RBMS3: variants seen among roughly 807,000 people sequenced by gnomAD.
The protein encoded by RBMS3 is RNA-binding motif, single-stranded-interacting protein 3.
A neutral mutation model predicts 66.8 loss-of-function variants in RBMS3; 27 were observed. The observed-to-expected ratio is 0.40, with a 90% CI of 0.30 to 0.56. The LOEUF (loss-of-function observed/expected upper bound fraction) is 0.56. Among genes scored for constraint, RBMS3 ranks in the 20% least tolerant of loss-of-function variants. RBMS3 has a pLI of 0.40. For synonymous variants in RBMS3, 188 were observed against 183.0 expected (o/e 1.03, Z -0.22); for missense variants, 513 against 549.5 (o/e 0.93, Z 0.66).
chr3:29,298,866 T>C (rs908827562), intron 1 of RBMS3, among the ~76,000 whole-genome samples: 2 of 152,030 alleles, frequency 1.3e-5, no homozygotes, highest in Admixed American at 6.6e-5. Flanking sequence ...GAATGTGAAA[T>C]AAAATGCTGT....
intron 4 of RBMS3, among the ~76,000 whole-genome samples, chr3:29,654,922 G>A (rs925948432): frequency 2.0e-5 from 3 of 151,934 alleles, no homozygotes; most frequent in Admixed American, 1.3e-4. Flanking sequence ...TATTTTTAAA[G>A]GCAGTACTAG....
At chr3:29,516,032 G>A (rs1288515643) in intron 3 of RBMS3, among the ~76,000 whole-genome samples, 1 of 152,138 alleles carries the variant, frequency 6.6e-6, no homozygotes, top group Admixed American at 6.5e-5. Context: ...ACATGGACCA[G>A]GGACTTTAAG....
chr3:29,865,326 G>C (rs892725440), intron 6 of RBMS3, among the ~76,000 whole-genome samples: 1 of 152,104 alleles, frequency 6.6e-6, no homozygotes, highest in Admixed American at 6.5e-5. Flanking sequence ...AACCTTATAA[G>C]AACCATTGTT....
chr3:29,507,879 A>T (rs1164635745), intron 3 of RBMS3, among the ~76,000 whole-genome samples: 1 of 152,166 alleles, frequency 6.6e-6, no homozygotes, highest in African/African-American at 2.4e-5. Flanking sequence ...AATGTTCATT[A>T]TATGTTTAAA....
chr3:29,438,852 A>G (rs1010087555), intron 2 of RBMS3, among the ~76,000 whole-genome samples: 1 of 152,218 alleles, frequency 6.6e-6, no homozygotes, highest in African/African-American at 2.4e-5. Context: ...AATGGGCATC[A>G]ATTAAATATA....
chr3:29,907,926 GGCTAAAACTTTATA>G lies in RBMS3; in HGVS notation c.939+8172_939+8185del, dbSNP rs536733387. Among the ~76,000 whole-genome samples, 123 of 151,984 alleles carry G rather than the reference GGCTAAAACTTTATA, an allele frequency of 8.1e-4. 2 individuals carry two copies. In the Middle Eastern group the frequency reaches 0.01, roughly 13 times the overall value. On this transcript the variant is annotated intron_variant, in intron 10 of 14. Coordinates refer to ENST00000383767, the MANE Select transcript of RBMS3 (RefSeq NM_001003793.3). ...ACTCCAGTCAGACATGTTCTCAGGA[GGCTAAAACTTTATA>G]ATCTATTTAAGAATTTGTTAAGGTT... is the stretch of plus-strand genomic sequence containing the variant.
At chr3:29,701,668 G>C (rs2052588441) in intron 4 of RBMS3, among the ~76,000 whole-genome samples, 1 of 152,094 alleles carries the variant, frequency 6.6e-6, no homozygotes, top group Non-Finnish European at 1.5e-5. Context: ...CCCGCACTCG[G>C]AGAGGCTGGC....
At chr3:29,288,049 C>G (rs2032509807) in intron 1 of RBMS3, among the ~76,000 whole-genome samples, 1 of 151,798 alleles carries the variant, frequency 6.6e-6, no homozygotes, top group South Asian at 2.1e-4. Flanking sequence ...AATTCAAAAC[C>G]AATTCCTAAT....
chr3:29,458,299 A>G (rs960481701), intron 2 of RBMS3, among the ~76,000 whole-genome samples: 1 of 152,166 alleles, frequency 6.6e-6, no homozygotes, highest in African/African-American at 2.4e-5. Context: ...ATAGCCAGAG[A>G]TGCACAGTAT....
chr3:29,615,470 G>GCACACACA (rs112880454), intron 4 of RBMS3, among the ~76,000 whole-genome samples: 9 of 144,416 alleles, frequency 6.2e-5, no homozygotes, highest in Non-Finnish European at 9.1e-5. Context: ...ACTACAGTTA[G>GCACACACA]CACACACACA....
At chr3:29,524,415 ATTTTTTTTTTT>A (rs1222102515) in intron 3 of RBMS3, among the ~76,000 whole-genome samples, 7 of 57,110 alleles carry the variant, frequency 1.2e-4, no homozygotes, top group African/African-American at 2.9e-4. Context: ...CTCCCTTTAC[ATTTTTTTTTTT>A]TTTTTTTTTT....
intron 12 of RBMS3, among the ~76,000 whole-genome samples, chr3:29,964,162 T>C (rs1476964218): frequency 2.6e-5 from 4 of 152,232 alleles, no homozygotes; most frequent in Non-Finnish European, 5.9e-5. Context: ...ATTTTTGATA[T>C]TTAAAATAGT....
chr3:29,696,754 G>C (rs17024192), intron 4 of RBMS3, among the ~76,000 whole-genome samples: 1 of 151,996 alleles, frequency 6.6e-6, no homozygotes, highest in Non-Finnish European at 1.5e-5. Context: ...GATGGCGATC[G>C]GGACAAGAGC....
At chr3:29,492,032 G>A (rs1363678538) in intron 3 of RBMS3, among the ~76,000 whole-genome samples, 16 of 151,890 alleles carry the variant, frequency 1.1e-4, no homozygotes, top group Non-Finnish European at 2.4e-4. Context: ...TAGACCGTTT[G>A]CCCTGAGGGT....
intron 12 of RBMS3, among the ~76,000 whole-genome samples, chr3:29,944,989 T>G (rs1443240780): frequency 6.6e-6 from 1 of 151,772 alleles, no homozygotes; most frequent in Non-Finnish European, 1.5e-5. Flanking sequence ...TGCACAGATC[T>G]TCTTGTGCTT....
chr3:29,782,735 A>G (rs2056681233), intron 6 of RBMS3, among the ~76,000 whole-genome samples: 1 of 152,226 alleles, frequency 6.6e-6, no homozygotes, highest in Admixed American at 6.5e-5. Context: ...AAGCTAATCA[A>G]GGAGGCACCA....
intron 4 of RBMS3, among the ~76,000 whole-genome samples, chr3:29,670,647 T>C (rs2149245125): frequency 1.3e-5 from 2 of 152,326 alleles, no homozygotes; most frequent in East Asian, 3.9e-4. Context: ...GGAGCCTTGC[T>C]CACTGCTAAC....
At chr3:29,643,769 T>C (rs1411946788) in intron 4 of RBMS3, among the ~76,000 whole-genome samples, 2 of 152,156 alleles carry the variant, frequency 1.3e-5, no homozygotes, top group African/African-American at 2.4e-5. Flanking sequence ...TTAATGGATA[T>C]TTAGTTCTGT....
chr3:29,959,376 C>T (rs1450926968), intron 12 of RBMS3, among the ~76,000 whole-genome samples: 3 of 152,126 alleles, frequency 2.0e-5, no homozygotes, highest in Non-Finnish European at 2.9e-5. Flanking sequence ...GCTTGTTAGA[C>T]ATACAGATTC....
Sources: gnomAD v4.1 joint callset for allele counts (sites outside exome capture counted in the v4.1 genomes callset) on GRCh38, gnomAD v4.1.1 for gene constraint, MANE v1.5 for transcripts, NCBI Gene and HGNC (gene_info 2026-07-23, HGNC 2026-07-21) for gene names.